Variants in MED23 observed in about 807,000 individuals in gnomAD.
The protein encoded by MED23 is mediator complex subunit 23.
In MED23, 105 loss-of-function variants were observed where a neutral mutation model predicts 163.9. The observed-to-expected ratio is 0.64, with a 90% CI of 0.55 to 0.75. The LOEUF is 0.75. Ranked by LOEUF, MED23 falls within the 30% of genes least tolerant of loss-of-function variation. The pLI is 0.00. For missense variants in MED23, 1,054 were observed against 1,649.0 expected, an observed-to-expected ratio of 0.64 and a Z score of 6.25; for synonymous variants, 561 against 565.6, an observed-to-expected ratio of 0.99 and a Z score of 0.12.
At chr6:131,584,430 A>G (rs951252959), downstream of MED23, 19 of 152,642 alleles carry the variant, frequency 1.2e-4, no homozygotes, top group African/African-American at 4.4e-4. Flanking sequence ...GCTTAAAACT[A>G]CTAAGTTTTT....
chr6:131,583,579 C>A, downstream of MED23: 3 of 1,561,670 alleles, frequency 1.9e-6, no homozygotes, highest in Non-Finnish European at 2.6e-6. Flanking sequence ...CAAGTCCCAG[C>A]TGACACTTTC....
chr6:131,594,342 A>C lies in MED23; in HGVS notation c.2996-7T>G. 8.8e-6 allele frequency: 14 copies of C among 1,590,014 alleles called. No homozygotes were observed. The highest frequency in any genetic ancestry group is 1.3e-5 in the African/African-American group (1 of 74,512). On this transcript the variant is annotated splice_region_variant and splice_polypyrimidine_tract_variant and intron_variant, in intron 22 of 28. Coordinates refer to ENST00000368068, the MANE Select transcript of MED23 (RefSeq NM_004830.4). ...AGATAAGTCACTGGACGATCTGCCAAGAAAAAAACATACCACCACAATGTT... is the reference window on the plus strand; with the variant it reads ...AGATAAGTCACTGGACGATCTGCCACGAAAAAAACATACCACCACAATGTT...
chr6:131,587,460 A>C lies in MED23; in HGVS notation c.*219T>G. On this transcript the variant is annotated 3_prime_UTR_variant, in exon 29 of 29. Coordinates refer to ENST00000368068, the MANE Select transcript of MED23 (RefSeq NM_004830.4). ...TAATAAGTTGTTATGAATATGAACA[A>C]CATGTATCTTACTTGATCTCTTAGA... 7.2e-7 allele frequency: 1 copy of C among 1,388,438 alleles called. No homozygotes were observed. Among genetic ancestry groups the C allele is most frequent in the Non-Finnish European group, 9.3e-7 (1 of 1,071,520 alleles). 86.0% of individuals were successfully genotyped at this position (1,388,438 alleles called of 1,614,324 possible).
intron 18 of MED23, among the ~76,000 whole-genome samples, chr6:131,599,133 A>AGT (rs2114635899): frequency 6.6e-6 from 1 of 152,314 alleles, no homozygotes; most frequent in South Asian, 2.1e-4. Context: ...TGATTCTCAG[A>AGT]GTGTGGTCCC....
chr6:131,617,427 A>T (rs1416529859), intron 9 of MED23, among the ~76,000 whole-genome samples: 1 of 150,324 alleles, frequency 6.7e-6, no homozygotes, highest in Admixed American at 6.6e-5. Flanking sequence ...TGTAACTATG[A>T]TGTAAAAACC....
At chr6:131,576,842 G>A (rs528348606) in intron 30 of MED23, 2 of 1,012,024 alleles carry the variant, frequency 2.0e-6, no homozygotes, top group Admixed American at 1.9e-5. Flanking sequence ...CATCAGAATT[G>A]CGGTACTGGT....
At chr6:131,583,905 G>A, downstream of MED23, 1 of 1,613,914 alleles carries the variant, frequency 6.2e-7, no homozygotes, top group Non-Finnish European at 8.5e-7. Context: ...ACCCACCTAA[G>A]TAAATGTGGA....
intron 3 of MED23, among the ~76,000 whole-genome samples, chr6:131,626,469 C>A (rs919274073): frequency 2.0e-5 from 3 of 151,748 alleles, no homozygotes; most frequent in Admixed American, 6.6e-5. Flanking sequence ...TAGGGAATTA[C>A]CTGTAGATTA....
At chr6:131,595,921 C>T (rs775908366) in intron 22 of MED23, 26 bp downstream of exon 22, 56 of 1,570,948 alleles carry the variant, frequency 3.6e-5, no homozygotes, top group Middle Eastern at 1.9e-4. Flanking sequence ...AGGTATTAGA[C>T]GAAATTAAAA....
chr6:131,604,998 CA>C (rs1775751760), intron 14 of MED23, among the ~76,000 whole-genome samples: 1 of 151,996 alleles, frequency 6.6e-6, no homozygotes, highest in Admixed American at 6.6e-5. Flanking sequence ...AAAAAATGTG[CA>C]AAAAATTTTT....
At chr6:131,591,766 C>A (rs1193833366) in intron 25 of MED23, 7 of 555,102 alleles carry the variant, frequency 1.3e-5, no homozygotes, top group Admixed American at 6.2e-5. Context: ...CTGATATACA[C>A]TATGCAGTAA....
intron 1 of MED23, 143 bp from the exon 2 acceptor site, chr6:131,627,815 C>A (rs981345146): frequency 2.8e-6 from 3 of 1,052,866 alleles, no homozygotes; most frequent in Non-Finnish European, 4.4e-6. Flanking sequence ...GTCACTGTAT[C>A]GATTTCAAAG....
intron 17 of MED23, among the ~76,000 whole-genome samples, chr6:131,601,248 G>A (rs1375332315): frequency 1.3e-5 from 2 of 152,062 alleles, no homozygotes; most frequent in African/African-American, 4.8e-5. Context: ...TATCTACCAC[G>A]ACATGATAGC....
chr6:131,617,996 G>A (rs1776815252), intron 9 of MED23, among the ~76,000 whole-genome samples: 1 of 152,176 alleles, frequency 6.6e-6, no homozygotes, highest in Non-Finnish European at 1.5e-5. Flanking sequence ...TTTTACAAGT[G>A]TAAACAAAAA....
At chr6:131,624,821 T>G (rs80136340) in intron 4 of MED23, 44 bp downstream of exon 4, 84 of 1,609,934 alleles carry the variant, frequency 5.2e-5, no homozygotes, top group Non-Finnish European at 6.4e-5. Flanking sequence ...CAATCACATA[T>G]AGAAAAGAAA....
chr6:131,592,287 G>A (rs899761867), intron 25 of MED23, 101 bp downstream of exon 25: 22 of 956,218 alleles, frequency 2.3e-5, no homozygotes, highest in East Asian at 9.6e-5. Context: ...TTTGCATGAC[G>A]TCCCGTACAA....
At chr6:131,627,972 C>A (rs1777642530) in intron 1 of MED23, 39 bp downstream of exon 1, 1 of 1,613,542 alleles carries the variant, frequency 6.2e-7, no homozygotes. Context: ...TCTCCCCGTC[C>A]CCAAGCCGTA....
At chr6:131,609,717 T>C (rs1305889889) in intron 11 of MED23, among the ~76,000 whole-genome samples, 4 of 147,016 alleles carry the variant, frequency 2.7e-5, no homozygotes, top group Admixed American at 1.4e-4. Flanking sequence ...ATGTACTCTA[T>C]ATATATATAC....
chr6:131,624,731 T>C, intron 4 of MED23, 134 bp downstream of exon 4: 1 of 952,642 alleles, frequency 1.0e-6, no homozygotes, highest in Non-Finnish European at 1.6e-6. Flanking sequence ...ACCTGAGGTA[T>C]TATATAAAGG....
Sources: gnomAD v4.1 joint callset for allele counts (sites outside exome capture counted in the v4.1 genomes callset) on GRCh38, gnomAD v4.1.1 for gene constraint, MANE v1.5 for transcripts, NCBI Gene and HGNC (gene_info 2026-07-23, HGNC 2026-07-21) for gene names.